The following CDK6 variants were observed in gnomAD, a reference collection of about 807,000 sequenced individuals.
CDK6 encodes the protein cyclin-dependent kinase 6.
A neutral mutation model predicts 37.1 loss-of-function variants in CDK6; 6 were observed. That is an observed-to-expected ratio of 0.16 (90% CI 0.09 to 0.32). The LOEUF (loss-of-function observed/expected upper bound fraction) is 0.32. Among genes scored for constraint, CDK6 ranks in the 10% least tolerant of loss-of-function variants. CDK6 has a pLI of 1.00. For missense variants in CDK6, 224 were observed against 418.9 expected, an observed-to-expected ratio of 0.53 and a Z score of 4.06; for synonymous variants, 160 against 161.3, an observed-to-expected ratio of 0.99 and a Z score of 0.06.
rs1255535268 is a variant in CDK6 at position 92,606,819 on chromosome 7, A to G, written c.*8321T>C. 1.3e-5 allele frequency: 3 copies of G among 232,926 alleles called. No homozygotes were observed. The highest frequency in any genetic ancestry group is 2.5e-5 in the Non-Finnish European group (3 of 117,938). 14.4% of individuals were successfully genotyped at this position (232,926 alleles called of 1,614,324 possible). ...ACACATCTCAAAATGATAATCGTAT[A>G]AAACTTTCTAGTTCTAATTTGCACT... On this transcript the variant is annotated 3_prime_UTR_variant, in exon 8 of 8. Coordinates refer to ENST00000424848, the MANE Select transcript of CDK6 (RefSeq NM_001145306.2).
At chr7:92,825,753 T>C (rs1161749039) in intron 2 of CDK6, among the ~76,000 whole-genome samples, 2 of 152,162 alleles carry the variant, frequency 1.3e-5, no homozygotes, top group Non-Finnish European at 2.9e-5. Context: ...ACTCAAGCAA[T>C]TGATCAAAAT....
chr7:92,799,203 T>G (rs1800501434), intron 2 of CDK6, among the ~76,000 whole-genome samples: 1 of 152,206 alleles, frequency 6.6e-6, no homozygotes, highest in Non-Finnish European at 1.5e-5. Flanking sequence ...CTACACTTTC[T>G]CACTCCTTAG....
In CDK6 at chr7:92,615,168, T is replaced by C; in HGVS notation, c.953A>G (p.Gln318Arg). 1 of 1,614,008 alleles carries C rather than the reference T, an allele frequency of 6.2e-7. No individual in the cohort carries two copies. The change falls in exon 8 of 8, where the codon CAG becomes CGG. Residue 318 changes from glutamine (Q) to arginine (R), a missense_variant. Coordinates refer to ENST00000424848, the MANE Select transcript of CDK6 (RefSeq NM_001145306.2). ...GGCTGTATTCAGCTCCGAGGTGTTC[T>C]GGCTGGGCGGCAGGTGGGAATCCAG... ...ENLDSHLPPS[Q>R]NTSELNTA
Position 92,833,454 on chromosome 7 carries a change from T to G in CDK6, c.-131A>C. The G allele has an allele frequency of 1.6e-6, 1 of 638,064 alleles. No homozygotes were observed. 39.5% of individuals were successfully genotyped at this position (638,064 alleles called of 1,614,324 possible). ...CTAGCTTTACTTGCTCCCCGCCGGC[T>G]CAGGCGCTCGGGCGCTGGGGCTTTC... On this transcript the variant is annotated 5_prime_UTR_variant, in exon 2 of 8. Coordinates refer to ENST00000424848, the MANE Select transcript of CDK6 (RefSeq NM_001145306.2). The surrounding 1 kb of genome is among the most constrained non-coding windows in gnomAD (Gnocchi z 6.1).
At chr7:92,771,224 C>CA (rs1368775003) in intron 3 of CDK6, among the ~76,000 whole-genome samples, 2,206 of 72,036 alleles carry the variant, frequency 0.031, 77 homozygotes, top group African/African-American at 0.1. Flanking sequence ...GACTCCGTCT[C>CA]AAAAAAAAAA....
intron 5 of CDK6, among the ~76,000 whole-genome samples, chr7:92,659,444 G>T (rs1223168571): frequency 1.3e-5 from 2 of 152,126 alleles, no homozygotes; most frequent in Non-Finnish European, 1.5e-5. Context: ...AATTCGACTT[G>T]TTTCTTTCTA....
chr7:92,757,911 T>C (rs1416128515), intron 3 of CDK6, among the ~76,000 whole-genome samples: 1 of 152,220 alleles, frequency 6.6e-6, no homozygotes, highest in Admixed American at 6.5e-5. Flanking sequence ...ATCAGTGATA[T>C]TAAGCTTTTT....
chr7:92,611,378 T>G lies in CDK6; in HGVS notation c.*3762A>C, dbSNP rs574291113. On this transcript the variant is annotated 3_prime_UTR_variant, in exon 8 of 8. Transcript: ENST00000424848. The stretch of plus-strand genomic sequence containing the variant: ...CATTATTTTTTCCTAGACTCAACTA[T>G]GCAATTAAAGCCTGCTTTTGGAAAA... The G allele has an allele frequency of 1.8e-5, 4 of 228,030 alleles. No individual in the cohort carries two copies. The South Asian group carries it at 7.3e-4, about 42-fold the overall frequency. The allele number at this position is 228,030 out of a possible 1,614,324, so 14.1% of individuals were successfully genotyped here. A position where few individuals can be genotyped will look rare whatever the true frequency, so the allele number is the denominator to read the frequency against.
intron 4 of CDK6, among the ~76,000 whole-genome samples, chr7:92,687,543 T>G (rs1163956814): frequency 6.6e-6 from 1 of 152,190 alleles, no homozygotes; most frequent in African/African-American, 2.4e-5. Context: ...GTGTTCTAGA[T>G]TAACAACTAC....
rs1228470088 is a variant in CDK6 at position 92,606,789 on chromosome 7, C to T, written c.*8351G>A. The T allele has an allele frequency of 4.3e-6, 1 of 232,994 alleles. No homozygotes were observed. The highest frequency in any genetic ancestry group is 8.5e-6 in the Non-Finnish European group (1 of 117,968). The allele number at this position is 232,994 out of a possible 1,614,324, so 14.4% of individuals were successfully genotyped here. A position where few individuals can be genotyped will look rare whatever the true frequency, so the allele number is the denominator to read the frequency against. ...TAATACATTTTACAGTGAAAACCTACTTTAACACATCTCAAAATGATAATC... is the reference window on the plus strand; with the variant it reads ...TAATACATTTTACAGTGAAAACCTATTTTAACACATCTCAAAATGATAATC... On this transcript the variant is annotated 3_prime_UTR_variant, in exon 8 of 8. Transcript: ENST00000424848.
At position 92,833,578 on chromosome 7, in the gene CDK6, G is replaced by A; in HGVS notation, c.-255C>T. The stretch of plus-strand genomic sequence containing the variant: ...CGCCTGCAGAGTCGCCGCCGCCGCC[G>A]CCGCCGGAGGAGCGAGCCGATCCCT... On this transcript the variant is annotated 5_prime_UTR_variant, in exon 2 of 8. Coordinates refer to ENST00000424848, the MANE Select transcript of CDK6 (RefSeq NM_001145306.2). The surrounding 1 kb of genome is among the most constrained non-coding windows in gnomAD (Gnocchi z 6.1). The A allele has an allele frequency of 1.8e-6, 1 of 542,728 alleles. No homozygotes were observed. Among genetic ancestry groups the A allele is most frequent in the Middle Eastern group, 4.8e-4 (1 of 2,082 alleles). 33.6% of individuals were successfully genotyped at this position (542,728 alleles called of 1,614,324 possible). A position where few individuals can be genotyped will look rare whatever the true frequency, so the allele number is the denominator to read the frequency against.
chr7:92,682,312 C>T (rs1797356378), intron 4 of CDK6, among the ~76,000 whole-genome samples: 1 of 152,178 alleles, frequency 6.6e-6, no homozygotes, highest in Non-Finnish European at 1.5e-5. Context: ...ATTGTCTGTT[C>T]CCCCTTCAGA....
chr7:92,820,853 T>C (rs2115980147), intron 2 of CDK6, among the ~76,000 whole-genome samples: 1 of 152,138 alleles, frequency 6.6e-6, no homozygotes, highest in South Asian at 2.1e-4. Flanking sequence ...AAAGAAGCTG[T>C]ATCTGAGTAC....
rs1430003561 is a variant in CDK6, at chr7:92,611,250, T to A, written c.*3890A>T. On this transcript the variant is annotated 3_prime_UTR_variant, in exon 8 of 8. Coordinates refer to ENST00000424848, the MANE Select transcript of CDK6 (RefSeq NM_001145306.2). ...CATTCTTTTGAATTATATAAATATC[T>A]AAGAGTTTATAATAACATTCCAATA... 4.4e-6 allele frequency: 1 copy of A among 225,086 alleles called. No individual in the cohort carries two copies. Among genetic ancestry groups the A allele is most frequent in the Non-Finnish European group, 8.8e-6 (1 of 113,230 alleles). The allele number at this position is 225,086 out of a possible 1,614,324, so 13.9% of individuals were successfully genotyped here.
At chr7:92,687,314 A>G (rs140583421) in intron 4 of CDK6, among the ~76,000 whole-genome samples, 1,677 of 152,304 alleles carry the variant, frequency 0.011, 24 homozygotes, top group Non-Finnish European at 0.019. Context: ...GGGGTTTACT[A>G]GCTAATCTTT....
At chr7:92,659,049 C>G (rs1316413969) in intron 5 of CDK6, among the ~76,000 whole-genome samples, 2 of 152,234 alleles carry the variant, frequency 1.3e-5, no homozygotes, top group Non-Finnish European at 1.5e-5. Context: ...AGGGCCCCAA[C>G]ATCTATAGCC....
At chr7:92,769,732 T>C (rs1799665372) in intron 3 of CDK6, among the ~76,000 whole-genome samples, 1 of 152,198 alleles carries the variant, frequency 6.6e-6, no homozygotes, top group Non-Finnish European at 1.5e-5. Flanking sequence ...TATCTTGCAG[T>C]GTACAGTTCT....
intron 5 of CDK6, among the ~76,000 whole-genome samples, chr7:92,662,706 C>CTT (rs1796866901): frequency 6.6e-6 from 1 of 152,154 alleles, no homozygotes; most frequent in African/African-American, 2.4e-5. Context: ...ATTTGCAAAA[C>CTT]ACTTCTGTCA....
intron 2 of CDK6, among the ~76,000 whole-genome samples, chr7:92,791,847 G>A (rs1245319374): frequency 6.6e-6 from 1 of 152,150 alleles, no homozygotes; most frequent in African/African-American, 2.4e-5. Flanking sequence ...GGGAATTGCG[G>A]ATAGTCTGGC....
Sources: allele counts gnomAD v4.1 joint callset (sites outside exome capture counted in the v4.1 genomes callset), GRCh38; gene constraint gnomAD v4.1.1; non-coding constraint Gnocchi (gnomAD v3.1); transcripts MANE v1.5; gene names NCBI Gene and HGNC (gene_info 2026-07-23, HGNC 2026-07-21).